GABRB1: variants seen among roughly 807,000 people sequenced by gnomAD.
The protein encoded by GABRB1 is gamma-aminobutyric acid type A receptor subunit beta1.
Under a neutral mutation model 51.6 loss-of-function variants are expected in GABRB1, and 17 were observed. That is an observed-to-expected ratio of 0.33 (90% CI 0.23 to 0.49). The LOEUF is 0.49. Among genes scored for constraint, GABRB1 ranks in the 20% least tolerant of loss-of-function variants. The probability of loss-of-function intolerance (pLI) is 0.99; values close to 1 mark genes in which losing one functional copy is unlikely to be tolerated. For synonymous variants in GABRB1, 247 were observed against 218.9 expected, an observed-to-expected ratio of 1.13 and a Z score of -1.14; for missense variants, 410 against 600.6, an observed-to-expected ratio of 0.68 and a Z score of 3.32.
intron 5 of GABRB1, among the ~76,000 whole-genome samples, chr4:47,335,358 T>G (rs1474358762): frequency 6.6e-6 from 1 of 152,144 alleles, no homozygotes. Context: ...ACATGTTATA[T>G]GTAGAGGGAA....
intron 3 of GABRB1, among the ~76,000 whole-genome samples, chr4:47,085,889 C>A (rs1218865500): frequency 6.6e-6 from 1 of 152,160 alleles, no homozygotes; most frequent in Non-Finnish European, 1.5e-5. Flanking sequence ...GAGGGCAAGA[C>A]CAGAAGCTGC....
At chr4:47,268,487 T>G (rs1418374436) in intron 4 of GABRB1, among the ~76,000 whole-genome samples, 1 of 152,192 alleles carries the variant, frequency 6.6e-6, no homozygotes, top group African/African-American at 2.4e-5. Context: ...TATGTGCATG[T>G]ATTACATCAT....
At chr4:47,388,783 A>G (rs187406665) in intron 5 of GABRB1, among the ~76,000 whole-genome samples, 3 of 152,278 alleles carry the variant, frequency 2.0e-5, no homozygotes, top group Admixed American at 6.5e-5. Flanking sequence ...AAGACTGAGC[A>G]TACCCTGGGA....
intron 3 of GABRB1, among the ~76,000 whole-genome samples, chr4:47,125,522 A>G (rs1716081198): frequency 6.7e-6 from 1 of 149,630 alleles, no homozygotes; most frequent in Admixed American, 6.7e-5. Context: ...ATAGCTATAG[A>G]TACATAGGTA....
chr4:47,234,539 T>G (rs186749096), intron 4 of GABRB1, among the ~76,000 whole-genome samples: 18 of 152,100 alleles, frequency 1.2e-4, no homozygotes, highest in Admixed American at 5.9e-4. Context: ...TTAAAATAAA[T>G]GCTGTATTCC....
At chr4:47,184,452 A>T (rs1356921765) in intron 4 of GABRB1, among the ~76,000 whole-genome samples, 1 of 151,952 alleles carries the variant, frequency 6.6e-6, no homozygotes, top group Non-Finnish European at 1.5e-5. Flanking sequence ...TCTCCCAAAA[A>T]ACAATAAAAC....
intron 3 of GABRB1, among the ~76,000 whole-genome samples, chr4:47,043,905 GTGAA>G (rs1725969411): frequency 6.6e-6 from 1 of 152,120 alleles, no homozygotes; most frequent in Non-Finnish European, 1.5e-5. Context: ...ATATCAGAAT[GTGAA>G]TGAATGGTTG....
chr4:47,294,653 T>C (rs1723894961), intron 4 of GABRB1, among the ~76,000 whole-genome samples: 1 of 152,216 alleles, frequency 6.6e-6, no homozygotes, highest in African/African-American at 2.4e-5. Flanking sequence ...CTGTCTGCCT[T>C]TGTAGGCTCC....
At chr4:47,244,889 G>A (rs1160777446) in intron 4 of GABRB1, among the ~76,000 whole-genome samples, 1 of 152,130 alleles carries the variant, frequency 6.6e-6, no homozygotes, top group African/African-American at 2.4e-5. Flanking sequence ...ACAAGAGAAA[G>A]CACGAAAGAT....
intron 4 of GABRB1, among the ~76,000 whole-genome samples, chr4:47,164,566 T>C (rs947868557): frequency 3.9e-5 from 6 of 152,100 alleles, no homozygotes; most frequent in African/African-American, 1.4e-4. Flanking sequence ...TTAGCAATCA[T>C]GGGATCAATG....
At chr4:47,093,463 C>T (rs561674101) in intron 3 of GABRB1, among the ~76,000 whole-genome samples, 8 of 152,280 alleles carry the variant, frequency 5.3e-5, no homozygotes, top group African/African-American at 1.9e-4. Context: ...CTCCCCAAAA[C>T]AAAACCATAA....
intron 5 of GABRB1, among the ~76,000 whole-genome samples, chr4:47,325,870 A>G (rs1022513324): frequency 4.6e-5 from 7 of 152,262 alleles, no homozygotes; most frequent in Admixed American, 3.3e-4. Flanking sequence ...TCAAAAATTC[A>G]TATGTTGAAA....
At position 47,120,681 on chromosome 4, in the gene GABRB1, A is replaced by C. The variant is rs2109647516; in HGVS notation, c.241-40568A>C. ...TTATTCAGGATCCAACAGCTCTTTA[A>C]TCAACAGTTGATAAATCATGCCAGG... On this transcript the variant is annotated intron_variant, in intron 3 of 8. Coordinates refer to ENST00000295454, the MANE Select transcript of GABRB1 (RefSeq NM_000812.4). Among the ~76,000 whole-genome samples the C allele has an allele frequency of 1.3e-5, 2 of 152,212 alleles. 1 individual carries two copies. Among genetic ancestry groups the C allele is most frequent in the South Asian group, 4.1e-4 (2 of 4,828 alleles).
chr4:47,291,275 C>A (rs988335208), intron 4 of GABRB1, among the ~76,000 whole-genome samples: 3 of 152,142 alleles, frequency 2.0e-5, no homozygotes, highest in Non-Finnish European at 2.9e-5. Context: ...CCGGCGGGTG[C>A]ACAGAGGTCA....
chr4:47,164,561 A>C (rs777167796), intron 4 of GABRB1, among the ~76,000 whole-genome samples: 7 of 152,072 alleles, frequency 4.6e-5, no homozygotes, highest in Non-Finnish European at 1.0e-4. Flanking sequence ...AGGTTTTAGC[A>C]ATCATGGGAT....
intron 4 of GABRB1, among the ~76,000 whole-genome samples, chr4:47,308,837 T>C (rs1351466608): frequency 6.6e-6 from 1 of 152,138 alleles, no homozygotes; most frequent in Non-Finnish European, 1.5e-5. Context: ...CTAGGTCGTT[T>C]CTGAATGCTT....
At chr4:47,086,085 A>C (rs1376538853) in intron 3 of GABRB1, among the ~76,000 whole-genome samples, 3 of 152,260 alleles carry the variant, frequency 2.0e-5, no homozygotes, top group African/African-American at 7.2e-5. Flanking sequence ...AATTTAGGGA[A>C]AACTCTTTTA....
chr4:47,184,452 A>C, intron 4 of GABRB1, among the ~76,000 whole-genome samples: 1 of 151,952 alleles, frequency 6.6e-6, no homozygotes, highest in Non-Finnish European at 1.5e-5. Flanking sequence ...TCTCCCAAAA[A>C]ACAATAAAAC....
intron 3 of GABRB1, among the ~76,000 whole-genome samples, chr4:47,117,990 G>A (rs1167359208): frequency 6.6e-6 from 1 of 152,078 alleles, no homozygotes; most frequent in Admixed American, 6.6e-5. Flanking sequence ...TCTGTGACTT[G>A]TCCACTTCTG....
Sources: gnomAD v4.1 joint callset for allele counts (sites outside exome capture counted in the v4.1 genomes callset) on GRCh38, gnomAD v4.1.1 for gene constraint, MANE v1.5 for transcripts, NCBI Gene and HGNC (gene_info 2026-07-23, HGNC 2026-07-21) for gene names.